UNC79: variants seen among roughly 807,000 people sequenced by gnomAD.
The protein encoded by UNC79 is unc-79 subunit of NALCN channel complex.
A neutral mutation model predicts 283.1 loss-of-function variants in UNC79; 37 were observed. That is an observed-to-expected ratio of 0.13 (90% CI 0.10 to 0.17). The LOEUF (loss-of-function observed/expected upper bound fraction) is 0.17. Ranked by LOEUF, UNC79 falls within the 10% of genes least tolerant of loss-of-function variation. The probability of loss-of-function intolerance (pLI) is 1.00; values close to 1 mark genes in which losing one functional copy is unlikely to be tolerated. For missense variants in UNC79, 2,272 were observed against 3,211.1 expected (o/e 0.71, Z 7.07); for synonymous variants, 1,107 against 1,200.2 (o/e 0.92, Z 1.61).
intron 1 of UNC79, among the ~76,000 whole-genome samples, chr14:93,376,890 TATA>T: frequency 6.8e-6 from 1 of 148,076 alleles, no homozygotes; most frequent in South Asian, 2.1e-4. Context: ...ATATATAAAA[TATA>T]TATTATATGT....
intron 32 of UNC79, among the ~76,000 whole-genome samples, chr14:93,639,680 A>G (rs948907412): frequency 2.0e-5 from 3 of 152,252 alleles, no homozygotes; most frequent in Non-Finnish European, 4.4e-5. Flanking sequence ...TTGGATTTGC[A>G]AATGTTCTTC....
intron 34 of UNC79, among the ~76,000 whole-genome samples, chr14:93,645,754 T>G (rs1442462482): frequency 6.6e-6 from 1 of 152,116 alleles, no homozygotes; most frequent in African/African-American, 2.4e-5. Context: ...TAATTACTGT[T>G]ACTGTTTAGT....
chr14:93,643,150 C>A (rs1424545447), intron 33 of UNC79, among the ~76,000 whole-genome samples: 3 of 152,204 alleles, frequency 2.0e-5, no homozygotes, highest in African/African-American at 7.2e-5. Context: ...CGTGCCTAAG[C>A]ATTTTGCATT....
intron 26 of UNC79, among the ~76,000 whole-genome samples, chr14:93,605,587 T>C (rs935817751): frequency 1.3e-5 from 2 of 152,228 alleles, no homozygotes. Context: ...GGGAAGATTG[T>C]GAAGGTTCCG....
intron 18 of UNC79, among the ~76,000 whole-genome samples, chr14:93,579,710 C>T (rs2063675571): frequency 6.6e-6 from 1 of 152,138 alleles, no homozygotes; most frequent in Admixed American, 6.5e-5. Context: ...ATGTTCCAGG[C>T]TCATCTTATA....
At chr14:93,499,046 G>A (rs1253171922) in intron 7 of UNC79, among the ~76,000 whole-genome samples, 6 of 152,184 alleles carry the variant, frequency 3.9e-5, no homozygotes, top group East Asian at 1.9e-4. Flanking sequence ...TCTGATTTAC[G>A]TTCCCGATGA....
chr14:93,582,086 C>G (rs1227906163), intron 19 of UNC79, 117 bp from the exon 20 acceptor site: 1 of 1,529,048 alleles, frequency 6.5e-7, no homozygotes, highest in Admixed American at 1.9e-5. Flanking sequence ...CCTCTGGCCT[C>G]AGCAGCATGG....
intron 35 of UNC79, among the ~76,000 whole-genome samples, chr14:93,648,214 G>GTAATGTATTGTACATGAACACTTGT (rs2069845551): frequency 6.6e-6 from 1 of 152,214 alleles, no homozygotes; most frequent in Non-Finnish European, 1.5e-5. Flanking sequence ...ACAGTCAACA[G>GTAATGTATTGTACATGAACACTTGT]TAATGTATTG....
chr14:93,375,243 CATG>C (rs1195103912), intron 1 of UNC79, among the ~76,000 whole-genome samples: 1 of 151,988 alleles, frequency 6.6e-6, no homozygotes, highest in Non-Finnish European at 1.5e-5. Context: ...ATTAGCGGGT[CATG>C]GTGGTGGTGC....
In UNC79 at chr14:93,352,151, A is replaced by C. The variant is rs141766258; in HGVS notation, c.-351+18628A>C. On this transcript the variant is annotated intron_variant, in intron 1 of 49. Coordinates refer to the UNC79 transcript ENST00000256339. ...ATCAAAATATTAGCAGTTTCTTAAG[A>C]TCTATCTTCGCTGTTCACTGGTTGC... 6.6e-3 allele frequency among the ~76,000 whole-genome samples: 1,000 copies of C among 152,250 alleles called. 5 individuals carry two copies. The highest frequency in any genetic ancestry group is 0.011 in the Non-Finnish European group (728 of 68,004).
chr14:93,541,652 C>T (rs1364042023), intron 13 of UNC79, among the ~76,000 whole-genome samples: 1 of 151,954 alleles, frequency 6.6e-6, no homozygotes, highest in Non-Finnish European at 1.5e-5. Flanking sequence ...ATTCCTGGAC[C>T]CTGCCATAGT....
Position 93,620,082 on chromosome 14 carries a change from A to G in UNC79, c.4388-1539A>G, listed in dbSNP as rs367776880. Among the ~76,000 whole-genome samples the G allele has an allele frequency of 7.9e-5, 12 of 152,330 alleles. No homozygotes were observed. In the East Asian group the frequency reaches 2.1e-3, roughly 27 times the overall value. On this transcript the variant is annotated intron_variant, in intron 29 of 48. Coordinates refer to ENST00000555664, the Ensembl canonical transcript of UNC79. ...TGGGTGTAGAAGGGAGGACGTAGAA[A>G]CAAGTTCAACAGGCACTCAAAGTGA...
chr14:93,613,207 A>C (rs991674168), intron 27 of UNC79, 124 bp downstream of exon 28: 1 of 1,276,918 alleles, frequency 7.8e-7, no homozygotes, highest in Admixed American at 2.2e-5. Context: ...GGTATTATGC[A>C]GGAGTATGTG....
At chr14:93,372,149 GATAAA>G (rs2054464579) in intron 1 of UNC79, among the ~76,000 whole-genome samples, 1 of 152,034 alleles carries the variant, frequency 6.6e-6, no homozygotes, top group Admixed American at 6.5e-5. Context: ...AATAAGTGAA[GATAAA>G]ATACTTTAAT....
intron 1 of UNC79, among the ~76,000 whole-genome samples, chr14:93,461,557 T>C (rs1327597810): frequency 6.6e-6 from 1 of 152,204 alleles, no homozygotes; most frequent in Non-Finnish European, 1.5e-5. Context: ...GCTATTTTTA[T>C]AGACAAAGTT....
At chr14:93,580,461 G>A (rs1254633074) in intron 19 of UNC79, 85 bp downstream of exon 19, 9 of 1,309,210 alleles carry the variant, frequency 6.9e-6, no homozygotes, top group African/African-American at 1.5e-5. Flanking sequence ...TCCTCCAGCA[G>A]CATCTTATAC....
At chr14:93,635,592 T>C (rs2068441502) in intron 31 of UNC79, among the ~76,000 whole-genome samples, 1 of 152,246 alleles carries the variant, frequency 6.6e-6, no homozygotes, top group Non-Finnish European at 1.5e-5. Context: ...AGCCATAGTA[T>C]TTATGTACAT....
At chr14:93,399,380 C>T (rs552006817) in intron 1 of UNC79, among the ~76,000 whole-genome samples, 5 of 152,132 alleles carry the variant, frequency 3.3e-5, no homozygotes, top group South Asian at 4.2e-4. Context: ...ATAGGAATTC[C>T]GCCGAGCACA....
chr14:93,418,820 C>G (rs1178852045), intron 1 of UNC79, among the ~76,000 whole-genome samples: 1 of 151,860 alleles, frequency 6.6e-6, no homozygotes, highest in Non-Finnish European at 1.5e-5. Context: ...GTAGGATCCT[C>G]CAAGCCAGGT....
Sources: allele counts gnomAD v4.1 joint callset (sites outside exome capture counted in the v4.1 genomes callset), GRCh38; gene constraint gnomAD v4.1.1; transcripts MANE v1.5; gene names NCBI Gene and HGNC (gene_info 2026-07-23, HGNC 2026-07-21).